SGCD: variants seen among roughly 807,000 people sequenced by gnomAD.
The protein encoded by SGCD is delta-sarcoglycan.
Under a neutral mutation model 36.6 loss-of-function variants are expected in SGCD, and 18 were observed. The ratio of observed to expected loss-of-function variants is 0.49; its 90% CI spans 0.34 to 0.73. SGCD has a LOEUF of 0.73. Among genes scored for constraint, SGCD ranks in the 30% least tolerant of loss-of-function variants. The pLI, the probability that SGCD is intolerant of heterozygous loss-of-function variation, is 0.01. For synonymous variants in SGCD, 133 were observed against 130.6 expected, an observed-to-expected ratio of 1.02 and a Z score of -0.12; for missense variants, 387 against 346.7, an observed-to-expected ratio of 1.12 and a Z score of -0.92.
At chr5:155,801,412 T>C in the SGCD span, among the ~76,000 whole-genome samples, 2,587 of 152,304 alleles carry the variant, frequency 0.017, 83 homozygotes, top group African/African-American at 0.058. Flanking sequence ...AAAGGGTTAA[T>C]GTTGAACTTC....
chr5:155,766,109 G>A, the SGCD span, among the ~76,000 whole-genome samples: 41 of 152,156 alleles, frequency 2.7e-4, no homozygotes, highest in Non-Finnish European at 5.6e-4. Flanking sequence ...AGAAACCAAG[G>A]GGAACTGCAA....
At chr5:156,362,925 A>G (rs965717075) in intron 3 of SGCD, among the ~76,000 whole-genome samples, 1 of 152,208 alleles carries the variant, frequency 6.6e-6, no homozygotes, top group African/African-American at 2.4e-5. Context: ...GAAGGACAGC[A>G]TAACCTCAAA....
chr5:156,494,594 C>T (rs1283992449), intron 3 of SGCD, among the ~76,000 whole-genome samples: 1 of 152,130 alleles, frequency 6.6e-6, no homozygotes, highest in African/African-American at 2.4e-5. Context: ...TCACAGAAGT[C>T]TTAGAATATA....
intron 3 of SGCD, among the ~76,000 whole-genome samples, chr5:156,166,395 C>G (rs1763214570): frequency 6.6e-6 from 1 of 152,014 alleles, no homozygotes; most frequent in Non-Finnish European, 1.5e-5. Context: ...TGGCTTACTG[C>G]AAGCTCTGCC....
intron 7 of SGCD, among the ~76,000 whole-genome samples, chr5:156,679,046 G>C (rs1236302944): frequency 6.6e-6 from 1 of 152,170 alleles, no homozygotes; most frequent in African/African-American, 2.4e-5. Context: ...GGAGAATGCA[G>C]CATTTGTATG....
chr5:156,397,721 C>G (rs1310253404), intron 3 of SGCD, among the ~76,000 whole-genome samples: 1 of 152,196 alleles, frequency 6.6e-6, no homozygotes, highest in Non-Finnish European at 1.5e-5. Context: ...ACAAGTTAAC[C>G]AGCCACGCGG....
At chr5:155,831,790 G>A in the SGCD span, among the ~76,000 whole-genome samples, 299 of 152,298 alleles carry the variant, frequency 2.0e-3, 1 homozygote, top group Admixed American at 4.0e-3. Flanking sequence ...TAGGGAGAGC[G>A]GATATGAGTG....
intron 3 of SGCD, among the ~76,000 whole-genome samples, chr5:156,363,774 A>C (rs1041972602): frequency 3.9e-5 from 6 of 152,208 alleles, no homozygotes; most frequent in African/African-American, 1.4e-4. Flanking sequence ...TTCCCTAATA[A>C]ATCTTACATA....
At chr5:156,612,975 G>A (rs1213531310) in intron 6 of SGCD, among the ~76,000 whole-genome samples, 2 of 152,114 alleles carry the variant, frequency 1.3e-5, no homozygotes, top group African/African-American at 2.4e-5. Context: ...AGGACTACTG[G>A]GGGTATCCAG....
At chr5:156,688,098 C>T (rs1753973476) in intron 7 of SGCD, among the ~76,000 whole-genome samples, 1 of 152,076 alleles carries the variant, frequency 6.6e-6, no homozygotes, top group Admixed American at 6.6e-5. Flanking sequence ...GGTACATGTG[C>T]AGGTTTGTTA....
chr5:156,506,523 G>T lies in SGCD; in HGVS notation c.193-2078G>T, dbSNP rs147103925. On this transcript the variant is annotated intron_variant, in intron 3 of 8. Transcript: ENST00000337851. ...TTCTTACTAAAAATGGCTGATTGCA[G>T]TCCTGGGGAAGGACTGTAGGATCAC... Among the ~76,000 whole-genome samples, 730 of 152,190 alleles carry T rather than the reference G, an allele frequency of 4.8e-3. 5 individuals carry two copies. The highest frequency in any genetic ancestry group is 5.9e-3 in the Non-Finnish European group (404 of 68,008).
At chr5:156,378,440 T>C (rs777545402) in intron 3 of SGCD, among the ~76,000 whole-genome samples, 1 of 152,176 alleles carries the variant, frequency 6.6e-6, no homozygotes, top group Non-Finnish European at 1.5e-5. Context: ...GTGAATGTTC[T>C]TAATACTATT....
chr5:155,918,061 G>A (rs982621141), intron 1 of SGCD, among the ~76,000 whole-genome samples: 3 of 152,096 alleles, frequency 2.0e-5, no homozygotes, highest in African/African-American at 4.8e-5. Flanking sequence ...TTGCTGGATG[G>A]CCAAATATGA....
intron 3 of SGCD, among the ~76,000 whole-genome samples, chr5:156,415,422 G>A (rs552092186): frequency 1.1e-3 from 162 of 152,266 alleles, no homozygotes; most frequent in Admixed American, 1.6e-3. Flanking sequence ...TTGCCTGATG[G>A]CAATGTTGAA....
At chr5:156,434,944 A>G (rs538126545) in intron 3 of SGCD, among the ~76,000 whole-genome samples, 1 of 152,336 alleles carries the variant, frequency 6.6e-6, no homozygotes, top group East Asian at 1.9e-4. Flanking sequence ...GCTTCATAAA[A>G]TCATTCCTCA....
chr5:155,831,168 G>T, the SGCD span, among the ~76,000 whole-genome samples: 2 of 152,314 alleles, frequency 1.3e-5, no homozygotes, highest in South Asian at 4.1e-4. Context: ...TCCGCAACCT[G>T]CATCCTTAGT....
intron 1 of SGCD, among the ~76,000 whole-genome samples, chr5:156,087,008 C>G (rs1761114867): frequency 6.6e-6 from 1 of 152,118 alleles, no homozygotes; most frequent in Non-Finnish European, 1.5e-5. Flanking sequence ...TGAAGGAAGC[C>G]TGTTGGAGCA....
chr5:156,408,068 A>C (rs1286168283), intron 3 of SGCD, among the ~76,000 whole-genome samples: 1 of 152,238 alleles, frequency 6.6e-6, no homozygotes, highest in Non-Finnish European at 1.5e-5. Flanking sequence ...TGATATTTAC[A>C]TTCTCATCTT....
At position 156,611,119 on chromosome 5, in the gene SGCD, G is replaced by A. The variant is rs181391049; in HGVS notation, c.502+16068G>A. ...TCAGTTGGAAATGCAGAAATCACCC[G>A]TCTTCTGCGCCACTCACGCTGGGAG... On this transcript the variant is annotated intron_variant, in intron 6 of 8. Transcript: ENST00000337851. 2.4e-3 allele frequency among the ~76,000 whole-genome samples: 358 copies of A among 152,284 alleles called. 2 individuals carry two copies. The highest frequency in any genetic ancestry group is 8.0e-3 in the African/African-American group (331 of 41,556).
Sources: allele counts gnomAD v4.1 joint callset (sites outside exome capture counted in the v4.1 genomes callset), GRCh38; gene constraint gnomAD v4.1.1; transcripts MANE v1.5; gene names NCBI Gene and HGNC (gene_info 2026-07-23, HGNC 2026-07-21).